Variants in PLXNA4 observed in about 807,000 individuals in gnomAD.
PLXNA4 encodes the protein plexin A4.
A neutral mutation model predicts 191.8 loss-of-function variants in PLXNA4; 44 were observed. That is an observed-to-expected ratio of 0.23 (90% CI 0.18 to 0.29). The LOEUF is 0.29. Among genes scored for constraint, PLXNA4 ranks in the 10% least tolerant of loss-of-function variants. The pLI is 1.00. For synonymous variants in PLXNA4, 1,082 were observed against 1,009.5 expected (o/e 1.07, Z -1.36); for missense variants, 1,800 against 2,488.8 (o/e 0.72, Z 5.89).
chr7:132,146,821 CG>C, intron 27 of PLXNA4, 121 bp from the exon 28 acceptor site: 2 of 1,519,718 alleles, frequency 1.3e-6, no homozygotes, highest in Non-Finnish European at 1.8e-6. Context: ...TGCCATTGGT[CG>C]GTGCTGTCAC....
intron 3 of PLXNA4, among the ~76,000 whole-genome samples, chr7:132,487,112 T>C (rs1234864531): frequency 6.6e-6 from 1 of 152,222 alleles, no homozygotes; most frequent in African/African-American, 2.4e-5. Flanking sequence ...AGAAAATAAC[T>C]GTTTTGTTAT....
At chr7:132,349,362 T>C (rs1803387475) in intron 3 of PLXNA4, among the ~76,000 whole-genome samples, 1 of 151,534 alleles carries the variant, frequency 6.6e-6, no homozygotes, top group Admixed American at 6.6e-5. Flanking sequence ...AAACAGGGTG[T>C]GGGGGTAGGG....
At chr7:132,562,611 CTCCTCCTCT>C (rs1801262758) in intron 1 of PLXNA4, among the ~76,000 whole-genome samples, 1 of 123,962 alleles carries the variant, frequency 8.1e-6, no homozygotes, top group Non-Finnish European at 1.7e-5. Context: ...CCTCCTCCTT[CTCCTCCTCT>C]TCCTCCTCCT....
chr7:132,257,752 C>T (rs79426432), intron 4 of PLXNA4, among the ~76,000 whole-genome samples: 2,056 of 152,238 alleles, frequency 0.014, 50 homozygotes, highest in African/African-American at 0.047. Flanking sequence ...TCAGTTGTGG[C>T]CCTGTAGATT....
chr7:132,154,637 TTAG>T (rs1166426840), intron 25 of PLXNA4, among the ~76,000 whole-genome samples: 1 of 152,140 alleles, frequency 6.6e-6, no homozygotes, highest in Non-Finnish European at 1.5e-5. Context: ...AAGCTAGAAC[TTAG>T]TAGATATTCT....
At chr7:132,499,135 C>A (rs1189736991) in intron 2 of PLXNA4, among the ~76,000 whole-genome samples, 1 of 152,210 alleles carries the variant, frequency 6.6e-6, no homozygotes, top group Non-Finnish European at 1.5e-5. Flanking sequence ...AGCAGTGCAC[C>A]CCTTCTAGGG....
intron 1 of PLXNA4, among the ~76,000 whole-genome samples, chr7:132,549,176 T>G (rs1800443296): frequency 6.6e-6 from 1 of 152,230 alleles, no homozygotes; most frequent in African/African-American, 2.4e-5. Flanking sequence ...GCCATTTTTT[T>G]ACTCCTTTAC....
chr7:132,334,904 A>G lies in PLXNA4; in HGVS notation c.1372-36682T>C, dbSNP rs528661406. 7.8e-4 allele frequency among the ~76,000 whole-genome samples: 119 copies of G among 152,356 alleles called. No homozygotes were observed. In the Middle Eastern group the frequency reaches 0.02, roughly 26 times the overall value. ...GATCAAACACTTTCATTCAAAATGCAGGACTGTAAGTTGCTTTTGCTGTTC... is the reference window on the plus strand; with the variant it reads ...GATCAAACACTTTCATTCAAAATGCGGGACTGTAAGTTGCTTTTGCTGTTC... On this transcript the variant is annotated intron_variant, in intron 3 of 31. Coordinates refer to ENST00000321063, the MANE Select transcript of PLXNA4 (RefSeq NM_020911.2).
At chr7:132,520,538 A>G (rs2116357644) in intron 1 of PLXNA4, among the ~76,000 whole-genome samples, 1 of 152,244 alleles carries the variant, frequency 6.6e-6, no homozygotes, top group South Asian at 2.1e-4. Context: ...GACCCATTTC[A>G]TTTCCTACAT....
chr7:132,380,673 C>T (rs552938151), intron 3 of PLXNA4, among the ~76,000 whole-genome samples: 21 of 152,194 alleles, frequency 1.4e-4, no homozygotes, highest in South Asian at 4.2e-4. Flanking sequence ...CAGGGCCTCA[C>T]GGGAGTGAGT....
At chr7:132,224,542 A>C (rs1209775560) in intron 8 of PLXNA4, among the ~76,000 whole-genome samples, 1 of 152,070 alleles carries the variant, frequency 6.6e-6, no homozygotes, top group Non-Finnish European at 1.5e-5. Context: ...TGTTGCATTG[A>C]TTTTTGACTC....
At chr7:132,192,100 AGAG>A (rs533078476) in intron 14 of PLXNA4, among the ~76,000 whole-genome samples, 6 of 152,236 alleles carry the variant, frequency 3.9e-5, no homozygotes, top group East Asian at 3.9e-4. Context: ...CTCGGAGAGC[AGAG>A]GTGGAGCAGA....
intron 1 of PLXNA4, among the ~76,000 whole-genome samples, chr7:132,545,154 T>G (rs1238611213): frequency 1.3e-5 from 2 of 152,218 alleles, no homozygotes; most frequent in African/African-American, 4.8e-5. Context: ...CCTCCCCCAG[T>G]GTCCTCTGTG....
At chr7:132,429,118 C>G (rs1307286703) in intron 3 of PLXNA4, among the ~76,000 whole-genome samples, 1 of 152,130 alleles carries the variant, frequency 6.6e-6, no homozygotes, top group Non-Finnish European at 1.5e-5. Context: ...AACCACGTCC[C>G]CCTTCAAGAT....
At chr7:132,281,496 G>C (rs1433408073) in intron 4 of PLXNA4, among the ~76,000 whole-genome samples, 2 of 152,126 alleles carry the variant, frequency 1.3e-5, no homozygotes, top group Admixed American at 1.3e-4. Context: ...AGAAGATTCT[G>C]TTTCCAAGTT....
chr7:132,471,101 T>C (rs1324681566), intron 3 of PLXNA4, among the ~76,000 whole-genome samples: 1 of 152,058 alleles, frequency 6.6e-6, no homozygotes, highest in Non-Finnish European at 1.5e-5. Flanking sequence ...AGTGAGAGAG[T>C]TCTCTCGAGA....
intron 3 of PLXNA4, among the ~76,000 whole-genome samples, chr7:132,306,215 T>C (rs1028017642): frequency 2.0e-5 from 3 of 152,076 alleles, no homozygotes; most frequent in Admixed American, 1.3e-4. Context: ...GTGCCCAGAA[T>C]TGGAAGGAGA....
chr7:132,163,984 G>T (rs1396256134), intron 24 of PLXNA4, among the ~76,000 whole-genome samples, 158 bp downstream of exon 24: 5 of 152,226 alleles, frequency 3.3e-5, no homozygotes, highest in South Asian at 2.1e-4. Context: ...GAAGTCTGGG[G>T]TGATGGACAC....
At chr7:132,472,280 C>T (rs1049655750) in intron 3 of PLXNA4, among the ~76,000 whole-genome samples, 4 of 152,188 alleles carry the variant, frequency 2.6e-5, no homozygotes, top group Non-Finnish European at 5.9e-5. Flanking sequence ...GATCTTTTCT[C>T]GCTCAGAAAT....
Sources: allele counts gnomAD v4.1 joint callset (sites outside exome capture counted in the v4.1 genomes callset), GRCh38; gene constraint gnomAD v4.1.1; transcripts MANE v1.5; gene names NCBI Gene and HGNC (gene_info 2026-07-23, HGNC 2026-07-21).